Variants in CNRIP1 observed in about 807,000 individuals in gnomAD.
The protein encoded by CNRIP1 is CB1 cannabinoid receptor-interacting protein 1.
A neutral mutation model predicts 15.2 loss-of-function variants in CNRIP1; 10 were observed. The ratio of observed to expected loss-of-function variants is 0.66; its 90% CI spans 0.41 to 1.12. CNRIP1 has a LOEUF of 1.12. Ranked by LOEUF, CNRIP1 falls within the 50% of genes most tolerant of loss-of-function variation. The probability of loss-of-function intolerance (pLI) is 0.00; values close to 1 mark genes in which losing one functional copy is unlikely to be tolerated. For synonymous variants in CNRIP1, 91 were observed against 83.2 expected, an observed-to-expected ratio of 1.09 and a Z score of -0.51; for missense variants, 211 against 214.7, an observed-to-expected ratio of 0.98 and a Z score of 0.11.
intron 2 of CNRIP1, among the ~76,000 whole-genome samples, chr2:68,309,809 C>A (rs1421620159): frequency 6.6e-6 from 1 of 152,178 alleles, no homozygotes; most frequent in East Asian, 1.9e-4. Context: ...ATAAACTCTG[C>A]TGTAATCCCT....
downstream of CNRIP1, among the ~76,000 whole-genome samples, chr2:68,290,306 G>A (rs1671135876): frequency 6.6e-6 from 1 of 152,144 alleles, no homozygotes; most frequent in Non-Finnish European, 1.5e-5. Flanking sequence ...GGGATTACAG[G>A]CGTGAGCCAC....
intron 2 of CNRIP1, among the ~76,000 whole-genome samples, chr2:68,315,717 C>T (rs1025253852): frequency 2.0e-5 from 3 of 151,986 alleles, no homozygotes; most frequent in African/African-American, 7.3e-5. Context: ...CTCTTGTCAC[C>T]GAGGCTGGAG....
In CNRIP1 at chr2:68,293,440, G is replaced by A; in HGVS notation, c.*422C>T. ...AGTTACATGTTACCATATTACACAT[G>A]GGAGGACCCATACACATTGTTATTT... On this transcript the variant is annotated 3_prime_UTR_variant, in exon 3 of 3. Coordinates refer to ENST00000263655, the MANE Select transcript of CNRIP1 (RefSeq NM_015463.3). 6 of 990,224 alleles carry A rather than the reference G, an allele frequency of 6.1e-6. No individual in the cohort carries two copies. The highest frequency in any genetic ancestry group is 7.2e-6 in the Non-Finnish European group (6 of 832,496). The allele number at this position is 990,224 out of a possible 1,614,324, so 61.3% of individuals were successfully genotyped here.
chr2:68,296,180 G>A (rs1294188229), intron 2 of CNRIP1, among the ~76,000 whole-genome samples: 5 of 152,146 alleles, frequency 3.3e-5, no homozygotes, highest in Non-Finnish European at 4.4e-5. Context: ...TAAATGTAAA[G>A]TATTTAATAC....
Position 68,298,859 on chromosome 2 carries a change from C to A in CNRIP1, c.331-4833G>T, listed in dbSNP as rs77616262. On this transcript the variant is annotated intron_variant, in intron 2 of 2. Coordinates refer to ENST00000263655, the MANE Select transcript of CNRIP1 (RefSeq NM_015463.3). The stretch of plus-strand genomic sequence containing the variant: ...TGGGGTCTTGAAAGCTGACATTCTT[C>A]TTAAAGAACAGGAACAATTATACAG... Among the ~76,000 whole-genome samples, 1,132 of 152,308 alleles carry A rather than the reference C, an allele frequency of 7.4e-3. 21 individuals are homozygous for A. The highest frequency in any genetic ancestry group is 0.026 in the African/African-American group (1,092 of 41,550).
chr2:68,313,031 G>A (rs1346776939), intron 2 of CNRIP1, among the ~76,000 whole-genome samples: 1 of 152,000 alleles, frequency 6.6e-6, no homozygotes, highest in African/African-American at 2.4e-5. Context: ...GAATTGACAA[G>A]CTCATTCTAA....
intron 2 of CNRIP1, among the ~76,000 whole-genome samples, chr2:68,302,885 C>T (rs1297262087): frequency 7.3e-6 from 1 of 137,748 alleles, no homozygotes; most frequent in Admixed American, 7.7e-5. Flanking sequence ...GTCTCCCTGT[C>T]GCCCAGGCTG....
chr2:68,285,608 C>T (rs538972470), intron 2 of CNRIP1, among the ~76,000 whole-genome samples: 2 of 147,682 alleles, frequency 1.4e-5, no homozygotes, highest in African/African-American at 2.5e-5. Flanking sequence ...GAGCCAACAT[C>T]GCACCACTGC....
intron 2 of CNRIP1, among the ~76,000 whole-genome samples, chr2:68,314,384 A>G (rs1672198842): frequency 6.6e-6 from 1 of 152,120 alleles, no homozygotes; most frequent in Non-Finnish European, 1.5e-5. Flanking sequence ...TATTGTAAAA[A>G]ATAAGGTTTA....
chr2:68,301,943 G>A (rs1671627378), intron 2 of CNRIP1, among the ~76,000 whole-genome samples: 1 of 146,672 alleles, frequency 6.8e-6, no homozygotes, highest in Non-Finnish European at 1.5e-5. Flanking sequence ...CAAATAGCCA[G>A]TAGAATAAGT....
intron 2 of CNRIP1, among the ~76,000 whole-genome samples, chr2:68,295,796 T>C (rs1251003099): frequency 6.6e-6 from 1 of 152,222 alleles, no homozygotes; most frequent in African/African-American, 2.4e-5. Flanking sequence ...AAGCATTCTG[T>C]ATCTTGATTG....
At chr2:68,308,299 A>G (rs990262631) in intron 2 of CNRIP1, among the ~76,000 whole-genome samples, 1 of 152,144 alleles carries the variant, frequency 6.6e-6, no homozygotes, top group African/African-American at 2.4e-5. Context: ...ACTACCATTT[A>G]CAAGAATGCA....
chr2:68,299,439 T>C (rs1015902222), intron 2 of CNRIP1, among the ~76,000 whole-genome samples: 1 of 152,262 alleles, frequency 6.6e-6, no homozygotes, highest in South Asian at 2.1e-4. Context: ...ATGGGTTCAG[T>C]GCCCTCATAA....
chr2:68,292,474 G>A (rs1671199095), downstream of CNRIP1, among the ~76,000 whole-genome samples: 1 of 152,138 alleles, frequency 6.6e-6, no homozygotes, highest in Non-Finnish European at 1.5e-5. Context: ...GGGTTTACAG[G>A]TAGCAAAAAC....
chr2:68,297,167 T>C (rs984177881), intron 2 of CNRIP1, among the ~76,000 whole-genome samples: 4 of 152,178 alleles, frequency 2.6e-5, no homozygotes, highest in Non-Finnish European at 5.9e-5. Context: ...TATTACCAAA[T>C]AGTCATTATC....
downstream of CNRIP1, among the ~76,000 whole-genome samples, chr2:68,288,213 G>A (rs144203414): frequency 3.3e-5 from 5 of 152,246 alleles, no homozygotes; most frequent in East Asian, 9.6e-4. Context: ...GGGTGGTAAA[G>A]CTTTTCAGAA....
chr2:68,290,024 C>CT (rs35429690), downstream of CNRIP1, among the ~76,000 whole-genome samples: 31,269 of 89,894 alleles, frequency 0.35, 7,229 homozygotes, highest in East Asian at 0.49. Flanking sequence ...AGAATCTGAA[C>CT]TTTTTTTTTT....
chr2:68,305,331 A>G (rs1415736722), intron 2 of CNRIP1, among the ~76,000 whole-genome samples: 2 of 144,164 alleles, frequency 1.4e-5, no homozygotes. Context: ...AAACATATAT[A>G]ATATATATTT....
intron 2 of CNRIP1, among the ~76,000 whole-genome samples, chr2:68,313,439 A>G (rs1340023465): frequency 6.6e-6 from 1 of 152,180 alleles, no homozygotes; most frequent in African/African-American, 2.4e-5. Flanking sequence ...ATGTCCATTT[A>G]TTGGTAAAGG....
Sources: allele counts gnomAD v4.1 joint callset (sites outside exome capture counted in the v4.1 genomes callset), GRCh38; gene constraint gnomAD v4.1.1; transcripts MANE v1.5; gene names NCBI Gene and HGNC (gene_info 2026-07-23, HGNC 2026-07-21).